DNM3: variants seen among roughly 807,000 people sequenced by gnomAD.
DNM3 encodes the protein dynamin-3.
DNM3 carries 47 observed loss-of-function variants against 101.6 expected under a neutral mutation model. That is an observed-to-expected ratio of 0.46 (90% confidence interval 0.37 to 0.59). The LOEUF is 0.59. Among genes scored for constraint, DNM3 ranks in the 20% least tolerant of loss-of-function variants. The pLI is 0.00. For synonymous variants in DNM3, 385 were observed against 387.9 expected (o/e 0.99, Z 0.09); for missense variants, 849 against 1,085.7 (o/e 0.78, Z 3.06).
chr1:172,332,401 C>T (rs1388521378), intron 17 of DNM3, among the ~76,000 whole-genome samples: 1 of 152,164 alleles, frequency 6.6e-6, no homozygotes, highest in Non-Finnish European at 1.5e-5. Context: ...CCTCTGCCTT[C>T]TGAGGTAAAG....
chr1:171,928,408 A>C (rs2125352335), intron 2 of DNM3, among the ~76,000 whole-genome samples: 1 of 152,170 alleles, frequency 6.6e-6, no homozygotes, highest in Non-Finnish European at 1.5e-5. Flanking sequence ...ATTGTGGCCA[A>C]GGGTCTTTTG....
intron 17 of DNM3, among the ~76,000 whole-genome samples, chr1:172,369,005 A>G (rs1180790359): frequency 6.6e-6 from 1 of 151,946 alleles, no homozygotes. Flanking sequence ...CTCCCAACAA[A>G]GAAAAGCCCA....
At chr1:172,371,764 A>G (rs1282207893) in intron 17 of DNM3, among the ~76,000 whole-genome samples, 1 of 151,974 alleles carries the variant, frequency 6.6e-6, no homozygotes, top group Non-Finnish European at 1.5e-5. Flanking sequence ...GTTAATCACT[A>G]TTCCACATTT....
At chr1:172,336,143 G>GCC (rs1022247223) in intron 17 of DNM3, among the ~76,000 whole-genome samples, 7 of 152,006 alleles carry the variant, frequency 4.6e-5, no homozygotes, top group Admixed American at 3.9e-4. Context: ...GCACAGGACA[G>GCC]CCCCCCACAC....
chr1:172,320,890 A>T (rs2148908291), intron 16 of DNM3, among the ~76,000 whole-genome samples: 1 of 152,322 alleles, frequency 6.6e-6, no homozygotes, highest in African/African-American at 2.4e-5. Context: ...TTTGGTGCAA[A>T]TCCAGTTTTG....
intron 10 of DNM3, among the ~76,000 whole-genome samples, chr1:172,061,332 G>A (rs1193379213): frequency 4.9e-5 from 7 of 143,998 alleles, no homozygotes; most frequent in East Asian, 2.4e-4. Context: ...ATTTGACCCA[G>A]CCATCCCATT....
rs549900814 is a variant in DNM3, at chr1:171,906,511, G to A, written c.162-15237G>A. On this transcript the variant is annotated intron_variant, in intron 1 of 20. Transcript: ENST00000627582. ...ATAATAGTTTCTTTTTAAATAACTT[G>A]GACAAGAAATGTTTGCACAGAATCT... 4.5e-4 allele frequency among the ~76,000 whole-genome samples: 69 copies of A among 151,784 alleles called. 1 individual carries two copies. The highest frequency in any genetic ancestry group is 1.6e-3 in the African/African-American group (66 of 41,384).
chr1:172,303,813 A>C (rs1458171993), intron 15 of DNM3, among the ~76,000 whole-genome samples: 1 of 152,174 alleles, frequency 6.6e-6, no homozygotes, highest in Non-Finnish European at 1.5e-5. Flanking sequence ...AAAATCCTTT[A>C]CAGACAAGCA....
chr1:171,902,996 TAAAC>T (rs1164960649), intron 1 of DNM3, among the ~76,000 whole-genome samples: 3 of 151,678 alleles, frequency 2.0e-5, no homozygotes, highest in Non-Finnish European at 4.4e-5. Context: ...CTACAGAAAA[TAAAC>T]AAAGTATCCA....
chr1:172,249,243 A>G (rs765970255), intron 14 of DNM3, among the ~76,000 whole-genome samples: 3 of 151,998 alleles, frequency 2.0e-5, no homozygotes, highest in Non-Finnish European at 4.4e-5. Context: ...GCCCATACCT[A>G]TCTCTCATTG....
chr1:171,912,948 C>T (rs1409318650), intron 1 of DNM3, among the ~76,000 whole-genome samples: 1 of 152,194 alleles, frequency 6.6e-6, no homozygotes, highest in East Asian at 1.9e-4. Flanking sequence ...AAGCTAAGTG[C>T]CTTTATTTTA....
At chr1:172,208,614 T>C (rs996391735) in intron 14 of DNM3, among the ~76,000 whole-genome samples, 1 of 152,052 alleles carries the variant, frequency 6.6e-6, no homozygotes, top group Non-Finnish European at 1.5e-5. Context: ...TCCATAACCA[T>C]GAGAGCAAAT....
At chr1:172,226,462 C>CT (rs2061126471) in intron 14 of DNM3, among the ~76,000 whole-genome samples, 1 of 152,132 alleles carries the variant, frequency 6.6e-6, no homozygotes, top group Non-Finnish European at 1.5e-5. Context: ...TAGCTCTTTT[C>CT]TTTTTTGGAC....
chr1:172,191,038 A>G lies in DNM3; in HGVS notation c.1659+59750A>G, dbSNP rs967556760. ...TAGTTTAATTAGATCCCATTTGTCA[A>G]TTTTGGCTTTTGTTGCCATTGCTTT... is the stretch of plus-strand genomic sequence containing the variant. On this transcript the variant is annotated intron_variant, in intron 14 of 20. Transcript: ENST00000627582. Among the ~76,000 whole-genome samples, 550 of 152,114 alleles carry G rather than the reference A, an allele frequency of 3.6e-3. 5 individuals carry two copies. Among genetic ancestry groups the G allele is most frequent in the Non-Finnish European group, 5.8e-3 (395 of 67,982 alleles).
At chr1:172,193,681 G>A (rs2059828857) in intron 14 of DNM3, among the ~76,000 whole-genome samples, 1 of 152,132 alleles carries the variant, frequency 6.6e-6, no homozygotes, top group Admixed American at 6.6e-5. Context: ...ATGGTAGTTT[G>A]TATTTCTATG....
At chr1:172,282,695 C>T (rs923704908) in intron 15 of DNM3, among the ~76,000 whole-genome samples, 1 of 152,222 alleles carries the variant, frequency 6.6e-6, no homozygotes, top group East Asian at 1.9e-4. Flanking sequence ...CTGACTTTAT[C>T]TGTGTCAGGA....
intron 20 of DNM3, among the ~76,000 whole-genome samples, chr1:172,406,339 C>T (rs1366009338): frequency 6.6e-6 from 1 of 151,940 alleles, no homozygotes; most frequent in Middle Eastern, 3.2e-3. Context: ...GTGGGTGTGA[C>T]CTGCGCCCTT....
At chr1:171,910,891 A>T (rs936335696) in intron 1 of DNM3, among the ~76,000 whole-genome samples, 1 of 152,204 alleles carries the variant, frequency 6.6e-6, no homozygotes, top group African/African-American at 2.4e-5. Flanking sequence ...CCGGCATATC[A>T]GGAAATGCTT....
chr1:172,231,353 G>A (rs2061330091), intron 14 of DNM3, among the ~76,000 whole-genome samples: 1 of 152,122 alleles, frequency 6.6e-6, no homozygotes, highest in Non-Finnish European at 1.5e-5. Context: ...TGGACCTCCA[G>A]CAAACTCCAA....
Sources: allele counts gnomAD v4.1 joint callset (sites outside exome capture counted in the v4.1 genomes callset), GRCh38; gene constraint gnomAD v4.1.1; transcripts MANE v1.5; gene names NCBI Gene and HGNC (gene_info 2026-07-23, HGNC 2026-07-21).